FANCI: variants seen among roughly 807,000 people sequenced by gnomAD.
The protein encoded by FANCI is Fanconi anemia group I protein.
In FANCI, 156 loss-of-function variants were observed where a neutral mutation model predicts 176.1. The ratio of observed to expected loss-of-function variants is 0.89; its 90% CI spans 0.78 to 1.01. FANCI has a LOEUF of 1.01. Ranked by LOEUF, FANCI falls within the 50% of genes least tolerant of loss-of-function variation. The pLI, the probability that FANCI is intolerant of heterozygous loss-of-function variation, is 0.00. For synonymous variants in FANCI, 613 were observed against 541.7 expected, an observed-to-expected ratio of 1.13 and a Z score of -1.83; for missense variants, 1,678 against 1,534.1, an observed-to-expected ratio of 1.09 and a Z score of -1.57.
intron 9 of FANCI, among the ~76,000 whole-genome samples, chr15:89,266,320 C>T (rs1329119542): frequency 1.3e-5 from 2 of 150,914 alleles, no homozygotes; most frequent in Admixed American, 6.6e-5. Context: ...CACCACTATG[C>T]CTGGCTAATT....
In FANCI at chr15:89,276,848, A is replaced by G. The variant is rs377227097; in HGVS notation, c.1250A>G (p.His417Arg). 202 of 1,614,108 alleles carry G rather than the reference A, an allele frequency of 1.3e-4. No homozygotes were observed. Among genetic ancestry groups the G allele is most frequent in the Non-Finnish European group, 1.6e-4 (194 of 1,180,050 alleles). The change falls in exon 13 of 38, where the codon CAT (histidine) becomes CGT (arginine). Residue 417 changes from histidine (H) to arginine (R), a missense_variant. Transcript: ENST00000310775. ...AGTCTTTCTAGAATGCCAAACCAGC[A>G]TGCATGTAAGCTCGGAGCTAATATC... ...SPSLSRMPNQ[H>R]ACKLGANILL...
intron 17 of FANCI, 138 bp downstream of exon 17, chr15:89,283,388 C>T (rs1043428157): frequency 1.4e-5 from 18 of 1,308,356 alleles, no homozygotes; most frequent in Middle Eastern, 2.1e-4. Context: ...GATGATGGTG[C>T]TGATGATGAT....
At chr15:89,286,481 T>C (rs2053821597) in intron 18 of FANCI, among the ~76,000 whole-genome samples, 1 of 152,212 alleles carries the variant, frequency 6.6e-6, no homozygotes, top group African/African-American at 2.4e-5. Context: ...AACATTCATC[T>C]TTCTGTACAT....
At position 89,268,459 on chromosome 15, in the gene FANCI, T is replaced by C. The variant is rs746104364; in HGVS notation, c.816T>C (p.Ile272=). 5.0e-6 allele frequency: 8 copies of C among 1,614,178 alleles called. No individual in the cohort carries two copies. In the Admixed American group the frequency reaches 1.3e-4, roughly 27 times the overall value. ...GELRHVEGTI[I]LHIVFAIKLD... is the part of the protein sequence containing the mutation. ...TTCGTCATGTGGAAGGCACCATTAT[T>C]CTACACATTGTGTTTGCCATCAAAT... Residue 272 remains isoleucine, a synonymous_variant, in exon 10 of 38, where the codon ATT becomes ATC. Coordinates refer to ENST00000310775, the MANE Select transcript of FANCI (RefSeq NM_001113378.2).
intron 18 of FANCI, among the ~76,000 whole-genome samples, chr15:89,287,758 T>C (rs2053877042): frequency 6.6e-6 from 1 of 152,152 alleles, no homozygotes; most frequent in South Asian, 2.1e-4. Context: ...TTGTTTTGTC[T>C]CAGTGAATAG....
At chr15:89,303,814 AG>A (rs1250621575) in intron 27 of FANCI, 49 bp from the exon 28 acceptor site, 1 of 1,515,164 alleles carries the variant, frequency 6.6e-7, no homozygotes, top group African/African-American at 1.4e-5. Context: ...GACAACACCT[AG>A]GTCTATCTCT....
chr15:89,305,954 CTTAA>C, intron 31 of FANCI, 49 bp from the exon 32 acceptor site: 5 of 1,581,120 alleles, frequency 3.2e-6, no homozygotes, highest in Non-Finnish European at 4.3e-6. Flanking sequence ...CTCCTTTACT[CTTAA>C]TTAGAAAACG....
intron 35 of FANCI, among the ~76,000 whole-genome samples, chr15:89,314,243 C>A (rs930311036): frequency 3.3e-5 from 5 of 152,130 alleles, no homozygotes; most frequent in African/African-American, 4.8e-5. Context: ...GATATATAAT[C>A]CCAGCAGTGA....
Position 89,305,156 on chromosome 15 carries a change from A to C in FANCI, c.3100A>C (p.Ser1034Arg). 1 of 1,614,228 alleles carries C rather than the reference A, an allele frequency of 6.2e-7. No homozygotes were observed. Among genetic ancestry groups the C allele is most frequent in the Non-Finnish European group, 8.5e-7 (1 of 1,180,040 alleles). The change falls in exon 29 of 38, where the codon AGC (serine) becomes CGC (arginine). Residue 1034 changes from serine to arginine, a missense_variant. Coordinates refer to ENST00000310775, the MANE Select transcript of FANCI (RefSeq NM_001113378.2). The stretch of plus-strand genomic sequence containing the variant: ...CAAGAGCTTGATGAACTTGCTCTTC[A>C]GCCTGCATGTTTCGTATAAGAGTCC... ...FCKSLMNLLF[S>R]LHVSYKSPVI...
At chr15:89,300,267 C>A in intron 25 of FANCI, 33 bp from the exon 26 acceptor site, 1 of 1,594,956 alleles carries the variant, frequency 6.3e-7, no homozygotes, top group Non-Finnish European at 8.6e-7. Flanking sequence ...GAGTTTATAT[C>A]AAAGAAGACA....
In FANCI at chr15:89,316,457, T is replaced by TAAATGAAATGCCTGAGTTA; in HGVS notation, c.3987_*18dup. The stretch of plus-strand genomic sequence containing the variant: ...ACCAGCCAAGAAGAAAAGGAAAAAA[T>TAAATGAAATGCCTGAGTTA]AAATGAAATGCCTGAGTTAATGTGA... On this transcript the variant is annotated frameshift_variant and stop_retained_variant, in exon 38 of 38. Transcript: ENST00000310775. LOFTEE classifies it high-confidence loss of function. 6.2e-7 allele frequency: 1 copy of TAAATGAAATGCCTGAGTTA among 1,609,192 alleles called. No homozygotes were observed. Among genetic ancestry groups the TAAATGAAATGCCTGAGTTA allele is most frequent in the Non-Finnish European group, 8.5e-7 (1 of 1,177,158 alleles).
intron 18 of FANCI, among the ~76,000 whole-genome samples, chr15:89,286,412 C>T (rs2053819271): frequency 6.6e-6 from 1 of 152,220 alleles, no homozygotes; most frequent in Non-Finnish European, 1.5e-5. Flanking sequence ...AATACAACTA[C>T]TGACTTGTGA....
intron 8 of FANCI, 157 bp downstream of exon 8, chr15:89,264,183 C>T (rs1032873763): frequency 4.6e-6 from 4 of 875,848 alleles, no homozygotes; most frequent in Non-Finnish European, 7.5e-6. Context: ...TAGATGCTTT[C>T]ATTTCACATA....
At chr15:89,263,672 T>G (rs2052815342) in intron 7 of FANCI, among the ~76,000 whole-genome samples, 1 of 152,234 alleles carries the variant, frequency 6.6e-6, no homozygotes, top group Non-Finnish European at 1.5e-5. Context: ...ATTTTTTTTA[T>G]AAGAATGACT....
chr15:89,274,517 G>C (rs117082256), intron 12 of FANCI, among the ~76,000 whole-genome samples: 270 of 151,044 alleles, frequency 1.8e-3, no homozygotes, highest in Non-Finnish European at 2.9e-3. Flanking sequence ...TGGCCACCTT[G>C]ACAGCAAGCA....
At position 89,267,212 on chromosome 15, in the gene FANCI, T is replaced by A. The variant is rs143509991; in HGVS notation, c.756-1187T>A. 2.7e-3 allele frequency among the ~76,000 whole-genome samples: 409 copies of A among 151,938 alleles called. 8 individuals are homozygous for A. The highest frequency in any genetic ancestry group is 0.015 in the East Asian group (75 of 5,170). On this transcript the variant is annotated intron_variant, in intron 9 of 37. Coordinates refer to ENST00000310775, the MANE Select transcript of FANCI (RefSeq NM_001113378.2). ...GCTCATGCCTGTAGTCCCAACTACT[T>A]GGGAGGCTGAGGCAGGAGAATCACT...
rs757928977 is a variant in FANCI, at chr15:89,283,169, G to A, written c.1617G>A (p.Gly539=). Residue 539 remains glycine (G), a synonymous_variant, in exon 17 of 38, where the codon GGG becomes GGA. Transcript: ENST00000310775. ...QLDARKSAVA[G]FLLLLKNFKV... ...ATGCCCGAAAATCTGCAGTTGCTGG[G>A]TTTTTGCTGCTCCTGAAGAACTTTA... 10 of 1,614,166 alleles carry A rather than the reference G, an allele frequency of 6.2e-6. 1 individual carries two copies. Among genetic ancestry groups the A allele is most frequent in the South Asian group, 3.3e-5 (3 of 91,084 alleles).
chr15:89,258,801 G>C (rs2052601499), intron 3 of FANCI, 25 bp downstream of exon 3: 4 of 1,525,570 alleles, frequency 2.6e-6, no homozygotes, highest in African/African-American at 1.4e-5. Context: ...TGTCACTTCT[G>C]TCTGTCTCCT....
At chr15:89,285,390 C>T (rs982839649) in intron 18 of FANCI, among the ~76,000 whole-genome samples, 172 bp downstream of exon 18, 3 of 152,168 alleles carry the variant, frequency 2.0e-5, no homozygotes, top group Non-Finnish European at 2.9e-5. Context: ...CACAGTGGCT[C>T]ACACCTGTAA....
Sources: allele counts gnomAD v4.1 joint callset (sites outside exome capture counted in the v4.1 genomes callset), GRCh38; gene constraint gnomAD v4.1.1; transcripts MANE v1.5; gene names NCBI Gene and HGNC (gene_info 2026-07-23, HGNC 2026-07-21).